CENPC: variants seen among roughly 807,000 people sequenced by gnomAD.
The protein encoded by CENPC is CENP-C 1.
In CENPC, 63 loss-of-function variants were observed where a neutral mutation model predicts 112.1. That is an observed-to-expected ratio of 0.56 (90% confidence interval 0.46 to 0.69). The LOEUF (loss-of-function observed/expected upper bound fraction) is 0.69, where lower values mean the gene tolerates loss of function less well. CENPC is among the 30% of genes least tolerant of loss of function. The probability of loss-of-function intolerance (pLI) is 0.00; values close to 1 mark genes in which losing one functional copy is unlikely to be tolerated. For synonymous variants in CENPC, 333 were observed against 367.6 expected, an observed-to-expected ratio of 0.91 and a Z score of 1.08; for missense variants, 1,000 against 1,103.8, an observed-to-expected ratio of 0.91 and a Z score of 1.33.
Position 67,502,091 on chromosome 4 carries a change from A to G in CENPC, c.2131+3114T>C, listed in dbSNP as rs1566155. On this transcript the variant is annotated intron_variant, in intron 12 of 18. Coordinates refer to ENST00000273853, the MANE Select transcript of CENPC (RefSeq NM_001812.4). ...TTTCTATTCATAAGCATTAACTCTC[A>G]TGAAGCAAAATAGCAATACGGTGAT... Among the ~76,000 whole-genome samples, 579 of 152,288 alleles carry G rather than the reference A, an allele frequency of 3.8e-3. 4 individuals are homozygous for G. Among genetic ancestry groups the G allele is most frequent in the African/African-American group, 0.013 (559 of 41,568 alleles).
intron 5 of CENPC, among the ~76,000 whole-genome samples, chr4:67,524,079 T>G (rs896591302): frequency 6.6e-6 from 1 of 151,158 alleles, no homozygotes; most frequent in African/African-American, 2.4e-5. Flanking sequence ...TCAATAAAAC[T>G]GAAAATAGAA....
chr4:67,488,764 CATA>C (rs767721116), intron 17 of CENPC, among the ~76,000 whole-genome samples: 3 of 151,840 alleles, frequency 2.0e-5, no homozygotes, highest in Admixed American at 2.0e-4. Flanking sequence ...TATTTTCACT[CATA>C]ATAATAACTG....
chr4:67,476,764 C>T (rs1560417056), intron 17 of CENPC, among the ~76,000 whole-genome samples: 1 of 152,208 alleles, frequency 6.6e-6, no homozygotes, highest in African/African-American at 2.4e-5. Flanking sequence ...AGCAGGGAGA[C>T]TTATAGCCTA....
intron 4 of CENPC, among the ~76,000 whole-genome samples, chr4:67,532,642 C>A (rs992962589): frequency 6.6e-6 from 1 of 151,816 alleles, no homozygotes; most frequent in Admixed American, 6.6e-5. Flanking sequence ...CAAACTATTG[C>A]GAGGACAGAA....
rs143549863 is a variant in CENPC, at chr4:67,476,649, C to T, written c.2671-1671G>A. The stretch of plus-strand genomic sequence containing the variant: ...TGAACTTTAAATAATTTTGATGAAG[C>T]GTGAATTTTCCTGGGCAGAATTGGG... On this transcript the variant is annotated intron_variant, in intron 17 of 18. Coordinates refer to ENST00000273853, the MANE Select transcript of CENPC (RefSeq NM_001812.4). 1.3e-4 allele frequency among the ~76,000 whole-genome samples: 20 copies of T among 152,184 alleles called. No homozygotes were observed. In the East Asian group the frequency reaches 2.7e-3, roughly 21 times the overall value.
chr4:67,491,513 A>AGAGAGAGAGAGG (rs1725276686), intron 16 of CENPC, among the ~76,000 whole-genome samples: 3 of 141,166 alleles, frequency 2.1e-5, no homozygotes, highest in African/African-American at 8.0e-5. Flanking sequence ...AGAGAGAGAG[A>AGAGAGAGAGAGG]GAGAGAGAGA....
intron 3 of CENPC, among the ~76,000 whole-genome samples, chr4:67,540,172 T>C (rs1242274923): frequency 6.6e-6 from 1 of 152,222 alleles, no homozygotes; most frequent in Non-Finnish European, 1.5e-5. Context: ...CTTTCAGAGC[T>C]TGTATAGAAA....
intron 17 of CENPC, among the ~76,000 whole-genome samples, chr4:67,481,644 A>G (rs896781631): frequency 2.6e-5 from 4 of 152,170 alleles, no homozygotes; most frequent in Non-Finnish European, 5.9e-5. Context: ...CAAAAACACT[A>G]AGTAGGGAAG....
chr4:67,489,856 T>G, intron 17 of CENPC, 111 bp downstream of exon 17: 1 of 871,228 alleles, frequency 1.1e-6, no homozygotes, highest in Non-Finnish European at 1.7e-6. Flanking sequence ...CTCTGTGTGG[T>G]GTAGTAATCG....
At chr4:67,535,773 CAAAT>C (rs1726701132) in intron 4 of CENPC, among the ~76,000 whole-genome samples, 1 of 151,680 alleles carries the variant, frequency 6.6e-6, no homozygotes, top group Admixed American at 6.6e-5. Context: ...AACTATATGA[CAAAT>C]AAAGTCTAAA....
At chr4:67,490,393 C>T (rs970587146) in intron 16 of CENPC, among the ~76,000 whole-genome samples, 5 of 151,928 alleles carry the variant, frequency 3.3e-5, no homozygotes, top group Admixed American at 2.0e-4. Context: ...TTCATCTATT[C>T]GATATTAATG....
chr4:67,540,868 T>C, intron 3 of CENPC, 112 bp downstream of exon 3: 1 of 761,826 alleles, frequency 1.3e-6, no homozygotes, highest in Non-Finnish European at 2.2e-6. Flanking sequence ...GAAAATATTT[T>C]CCATATATTT....
At chr4:67,529,271 C>T (rs1345077698) in intron 5 of CENPC, among the ~76,000 whole-genome samples, 3 of 152,046 alleles carry the variant, frequency 2.0e-5, no homozygotes, top group Admixed American at 6.6e-5. Context: ...CAAATATTTT[C>T]GCCTAGTCTG....
chr4:67,480,300 C>T (rs1233752078), intron 17 of CENPC, among the ~76,000 whole-genome samples: 4 of 151,018 alleles, frequency 2.6e-5, no homozygotes, highest in Admixed American at 2.6e-4. Flanking sequence ...GCCTGGGCAA[C>T]AAGAGCAAAA....
At chr4:67,489,042 T>C (rs1725165192) in intron 17 of CENPC, among the ~76,000 whole-genome samples, 1 of 151,990 alleles carries the variant, frequency 6.6e-6, no homozygotes, top group Non-Finnish European at 1.5e-5. Context: ...TCCTGAAATG[T>C]CAGATACTGA....
chr4:67,488,674 C>G (rs919088390), intron 17 of CENPC, among the ~76,000 whole-genome samples: 2 of 151,910 alleles, frequency 1.3e-5, no homozygotes, highest in Non-Finnish European at 2.9e-5. Context: ...GCTATTACTT[C>G]AGTGATGATA....
intron 4 of CENPC, among the ~76,000 whole-genome samples, chr4:67,532,237 T>A (rs1463522531): frequency 6.6e-6 from 1 of 152,142 alleles, no homozygotes; most frequent in Non-Finnish European, 1.5e-5. Flanking sequence ...CATTAAAAAG[T>A]CAGGAAACAA....
rs188283172 is a variant in CENPC, at chr4:67,509,491, T to A, written c.1613-386A>T. Among the ~76,000 whole-genome samples, 38 of 152,250 alleles carry A rather than the reference T, an allele frequency of 2.5e-4. 1 individual carries two copies. The highest frequency in any genetic ancestry group is 1.6e-3 in the Admixed American group (24 of 15,256). ...TATCTACCCAGAGCTTTAATTACTA[T>A]CTATATGCTGACACCTATAATATCC... On this transcript the variant is annotated intron_variant, in intron 9 of 18. Coordinates refer to ENST00000273853, the MANE Select transcript of CENPC (RefSeq NM_001812.4).
chr4:67,502,999 T>C (rs1725633549), intron 12 of CENPC, among the ~76,000 whole-genome samples: 1 of 152,134 alleles, frequency 6.6e-6, no homozygotes, highest in African/African-American at 2.4e-5. Flanking sequence ...GCTTCCAACC[T>C]TCCTCCATCC....
Sources: gnomAD v4.1 joint callset for allele counts (sites outside exome capture counted in the v4.1 genomes callset) on GRCh38, gnomAD v4.1.1 for gene constraint, MANE v1.5 for transcripts, NCBI Gene and HGNC (gene_info 2026-07-23, HGNC 2026-07-21) for gene names.